Variants in TECTA observed in about 807,000 individuals in gnomAD.
TECTA encodes alpha-tectorin.
In TECTA, 128 loss-of-function variants were observed where a neutral mutation model predicts 216.8. The ratio of observed to expected loss-of-function variants is 0.59; its 90% CI spans 0.51 to 0.68. The LOEUF is 0.68. Ranked by LOEUF, TECTA falls within the 30% of genes least tolerant of loss-of-function variation. TECTA has a pLI of 0.00. For synonymous variants in TECTA, 1,089 were observed against 1,117.1 expected (o/e 0.97, Z 0.50); for missense variants, 2,551 against 2,786.2 (o/e 0.92, Z 1.90).
rs1384373128 is a variant in TECTA, at chr11:121,113,356, G to A, written c.624+147G>A. The A allele has an allele frequency of 4.0e-6, 6 of 1,492,082 alleles. No individual in the cohort carries two copies. Among genetic ancestry groups the A allele is most frequent in the Non-Finnish European group, 5.5e-6 (6 of 1,084,810 alleles). 92.4% of individuals were successfully genotyped at this position (1,492,082 alleles called of 1,614,324 possible). On this transcript the variant is annotated intron_variant, in intron 5 of 23. Transcript: ENST00000392793. The surrounding 1 kb of genome is among the most constrained non-coding windows in gnomAD (Gnocchi z 4.2). ...GCAGGTGGACTACGAGGCTAGTCCTGCCCATGTTTGGCACCCTGACTCGGC... is the reference window on the plus strand; with the variant it reads ...GCAGGTGGACTACGAGGCTAGTCCTACCCATGTTTGGCACCCTGACTCGGC...
chr11:121,146,646 A>G (rs1236472825), intron 12 of TECTA, among the ~76,000 whole-genome samples: 2 of 152,120 alleles, frequency 1.3e-5, no homozygotes, highest in Non-Finnish European at 2.9e-5. Flanking sequence ...GTCTTTAAGG[A>G]TCTGTGTGAC....
intron 18 of TECTA, 30 bp downstream of exon 18, chr11:121,166,810 G>A (rs1947058322): frequency 6.2e-7 from 1 of 1,611,124 alleles, no homozygotes; most frequent in African/African-American, 1.3e-5. Flanking sequence ...AGAGCACCTG[G>A]CAGAGGCAGC....
At chr11:121,181,453 T>C (rs535105321) in intron 20 of TECTA, among the ~76,000 whole-genome samples, 1 of 149,750 alleles carries the variant, frequency 6.7e-6, no homozygotes, top group Non-Finnish European at 1.5e-5. Context: ...GCTGGAGAAT[T>C]ATTATTATTA....
chr11:121,159,992 C>A, intron 14 of TECTA, 143 bp from the exon 15 acceptor site: 1 of 872,742 alleles, frequency 1.1e-6, no homozygotes, highest in Non-Finnish European at 1.8e-6. Flanking sequence ...TGCCTGCTGT[C>A]ATGCTGCAGG....
intron 20 of TECTA, among the ~76,000 whole-genome samples, chr11:121,184,043 C>T (rs1053047481): frequency 2.6e-5 from 4 of 152,170 alleles, no homozygotes; most frequent in African/African-American, 9.7e-5. Flanking sequence ...CCCATCTTCG[C>T]CTCCCAAAGT....
chr11:121,105,241 A>G lies in TECTA; in HGVS notation c.65-590A>G, dbSNP rs889797932. 1.3e-5 allele frequency among the ~76,000 whole-genome samples: 2 copies of G among 152,190 alleles called. No homozygotes were observed. The highest frequency in any genetic ancestry group is 2.4e-5 in the African/African-American group (1 of 41,436). The stretch of plus-strand genomic sequence containing the variant: ...GGAGGATCTCATGTCTGTCTTTTGT[A>G]AAAAAGGAGTTGGGCAAAGAGCCTC... On this transcript the variant is annotated intron_variant, in intron 2 of 23. Coordinates refer to ENST00000392793, the MANE Select transcript of TECTA (RefSeq NM_005422.4). This position sits in a 1 kb window ranked among gnomAD's most constrained non-coding sequence, Gnocchi z 5.3.
chr11:121,185,173 T>C (rs980638092), intron 20 of TECTA, among the ~76,000 whole-genome samples: 2 of 152,232 alleles, frequency 1.3e-5, no homozygotes, highest in African/African-American at 4.8e-5. Flanking sequence ...TGTGGTTGGG[T>C]GGGAAGTGAC....
At chr11:121,136,556 G>C (rs943434575) in intron 10 of TECTA, among the ~76,000 whole-genome samples, 1 of 152,120 alleles carries the variant, frequency 6.6e-6, no homozygotes, top group African/African-American at 2.4e-5. Flanking sequence ...GGTACAAAGA[G>C]GAGCAAGGCA....
chr11:121,166,929 A>G, intron 18 of TECTA, 149 bp downstream of exon 18: 1 of 865,512 alleles, frequency 1.2e-6, no homozygotes, highest in Non-Finnish European at 1.9e-6. Flanking sequence ...AACATGAAAG[A>G]CAGCAAGAGC....
intron 3 of TECTA, 89 bp from the exon 4 acceptor site, chr11:121,109,120 CAT>C: frequency 1.4e-6 from 2 of 1,436,686 alleles, no homozygotes; most frequent in South Asian, 2.4e-5. Flanking sequence ...TGTTTTCATT[CAT>C]ACAGTTAGGC....
intron 18 of TECTA, 42 bp downstream of exon 18, chr11:121,166,822 A>G (rs1430685237): frequency 1.9e-6 from 3 of 1,606,660 alleles, no homozygotes; most frequent in Non-Finnish European, 2.5e-6. Context: ...AGAGGCAGCG[A>G]CAGCTTCGAG....
At position 121,125,648 on chromosome 11, in the gene TECTA, T is replaced by G; in HGVS notation, c.1550T>G (p.Leu517Arg). ...CTQCDAATEALYFGSDYCGFL... is the reference protein window; with the variant it reads ...CTQCDAATEARYFGSDYCGFL... ...CAGTGCGACGCTGCCACTGAAGCCC[T>G]CTACTTTGGCTCTGACTACTGCGGC... Residue 517 changes from leucine to arginine, a missense_variant, in exon 8 of 24, where the codon CTC becomes CGC. By Grantham distance (102) the Leu-to-Arg change is moderately radical (BLOSUM62 -2). This residue lies in a region of TECTA where 2,375 missense variants were observed against 2,563.9 expected (regional missense o/e 0.93). Coordinates refer to ENST00000392793, the MANE Select transcript of TECTA (RefSeq NM_005422.4). 1 of 1,611,658 alleles carries G rather than the reference T, an allele frequency of 6.2e-7. No homozygotes were observed. Among genetic ancestry groups the G allele is most frequent in the Non-Finnish European group, 8.5e-7 (1 of 1,178,004 alleles).
intron 13 of TECTA, among the ~76,000 whole-genome samples, chr11:121,156,270 G>T (rs973464431): frequency 4.6e-5 from 7 of 152,144 alleles, no homozygotes; most frequent in Admixed American, 2.0e-4. Context: ...TACCTCACAG[G>T]CTTAAGCGGT....
intron 2 of TECTA, among the ~76,000 whole-genome samples, chr11:121,104,814 G>A (rs1946377076): frequency 1.3e-5 from 2 of 152,072 alleles, no homozygotes; most frequent in East Asian, 1.9e-4. Context: ...CCGATGCCCA[G>A]CATGGTCTTG....
chr11:121,143,183 C>G (rs900653926), intron 11 of TECTA, among the ~76,000 whole-genome samples: 5 of 152,214 alleles, frequency 3.3e-5, no homozygotes, highest in African/African-American at 1.2e-4. Context: ...TCTTGGGCCT[C>G]TTTGCCATGT....
At chr11:121,133,656 G>C (rs1369194044) in intron 10 of TECTA, among the ~76,000 whole-genome samples, 1 of 152,198 alleles carries the variant, frequency 6.6e-6, no homozygotes, top group South Asian at 2.1e-4. Context: ...CTCCATTGGG[G>C]TTGATGTTCC....
chr11:121,109,153 G>C, intron 3 of TECTA, 58 bp from the exon 4 acceptor site: 1 of 1,592,912 alleles, frequency 6.3e-7, no homozygotes, highest in East Asian at 2.2e-5. Context: ...CTTGGTTTGT[G>C]ACTCTGAAGT....
chr11:121,113,249 G>C lies in TECTA; in HGVS notation c.624+40G>C, dbSNP rs372687771. Reference sequence around the variant, plus strand: ...ACTTCATCCCCCGCGTGTTTCCGTCGCTGCACTCTCTGCTTCTGTGGCTCA... The same window carrying C: ...ACTTCATCCCCCGCGTGTTTCCGTCCCTGCACTCTCTGCTTCTGTGGCTCA... On this transcript the variant is annotated intron_variant, in intron 5 of 23. Transcript: ENST00000392793. The surrounding 1 kb of genome is among the most constrained non-coding windows in gnomAD (Gnocchi z 4.2). The C allele has an allele frequency of 2.7e-5, 43 of 1,613,000 alleles. No individual in the cohort carries two copies. The highest frequency in any genetic ancestry group is 3.5e-5 in the Non-Finnish European group (41 of 1,179,976).
At position 121,165,150 on chromosome 11, in the gene TECTA, T is replaced by A. The variant is rs985881108; in HGVS notation, c.5273-123T>A. 17 of 917,104 alleles carry A rather than the reference T, an allele frequency of 1.9e-5. No homozygotes were observed. In the South Asian group the frequency reaches 2.4e-4, roughly 13 times the overall value. The allele number at this position is 917,104 out of a possible 1,614,324, so 56.8% of individuals were successfully genotyped here. On this transcript the variant is annotated intron_variant, in intron 16 of 23. Transcript: ENST00000392793. ...CTGGAAGGTTGCCCTGTCTGTTAACTGGCAGCTGCCATCTGACCATTTCCA... is the reference window on the plus strand; with the variant it reads ...CTGGAAGGTTGCCCTGTCTGTTAACAGGCAGCTGCCATCTGACCATTTCCA...
Sources: allele counts gnomAD v4.1 joint callset (sites outside exome capture counted in the v4.1 genomes callset), GRCh38; gene constraint gnomAD v4.1.1; regional missense constraint gnomAD v4.1.1; non-coding constraint Gnocchi (gnomAD v3.1); transcripts MANE v1.5; gene names NCBI Gene and HGNC (gene_info 2026-07-23, HGNC 2026-07-21).